The following RGL4 variants were observed in gnomAD, a reference collection of about 807,000 sequenced individuals.
The protein encoded by RGL4 is ral-GDS-related protein.
A neutral mutation model predicts 49.6 loss-of-function variants in RGL4; 41 were observed. The ratio of observed to expected loss-of-function variants is 0.83; its 90% CI spans 0.64 to 1.07. The LOEUF (loss-of-function observed/expected upper bound fraction) is 1.07, where lower values mean the gene tolerates loss of function less well. Among genes scored for constraint, RGL4 ranks in the 50% least tolerant of loss-of-function variants. The probability of loss-of-function intolerance (pLI) is 0.00; values close to 1 mark genes in which losing one functional copy is unlikely to be tolerated. For missense variants in RGL4, 610 were observed against 591.9 expected (o/e 1.03, Z -0.32); for synonymous variants, 255 against 238.0 (o/e 1.07, Z -0.66).
chr22:23,693,157 G>A, intron 3 of RGL4, 166 bp downstream of exon 3: 2 of 1,241,064 alleles, frequency 1.6e-6, no homozygotes, highest in Non-Finnish European at 2.2e-6. Context: ...TCTGCATGTG[G>A]ACGGCAGAGA....
intron 10 of RGL4, chr22:23,698,636 G>A: frequency 1.3e-6 from 1 of 744,186 alleles, no homozygotes; most frequent in East Asian, 2.7e-5. Context: ...CCAAAGTACT[G>A]ACGTTACAGG....
Position 23,693,826 on chromosome 22 carries a change from G to A in RGL4, c.764G>A (p.Gly255Glu), listed in dbSNP as rs201706084. ...GCIWGQGHLKGNEHMAPTVRA... is the reference protein window; with the variant it reads ...GCIWGQGHLKENEHMAPTVRA... ...ATCTGGGGCCAAGGACATCTGAAGG[G>A]GAATGAGCACATGGCACCCACAGTT... The change falls in exon 4 of 11, where the codon GGG becomes GAG. Residue 255 changes from glycine (G) to glutamate (E), a missense_variant. Transcript: ENST00000290691. 20 of 1,614,080 alleles carry A rather than the reference G, an allele frequency of 1.2e-5. No homozygotes were observed. In the East Asian group the frequency reaches 3.8e-4, roughly 31 times the overall value.
intron 6 of RGL4, chr22:23,696,266 G>A (rs958161620): frequency 5.8e-6 from 7 of 1,210,202 alleles, no homozygotes; most frequent in Non-Finnish European, 7.4e-6. Context: ...GCCTCACAGG[G>A]TAGAAATGAA....
chr22:23,695,229 C>A (rs939750141), intron 6 of RGL4: 41 of 514,592 alleles, frequency 8.0e-5, no homozygotes, highest in African/African-American at 7.6e-4. Context: ...GGCATGGGGG[C>A]AGGAGGCCCT....
chr22:23,698,771 A>G, intron 10 of RGL4, 73 bp from the exon 11 acceptor site: 1 of 1,513,684 alleles, frequency 6.6e-7, no homozygotes, highest in Non-Finnish European at 8.9e-7. Context: ...CCAGGATTCC[A>G]GCTGGGCAGG....
rs1215792636 is a variant in RGL4, at chr22:23,693,883, C to T, written c.821C>T (p.Thr274Ile). 6.2e-7 allele frequency: 1 copy of T among 1,614,026 alleles called. No individual in the cohort carries two copies. The highest frequency in any genetic ancestry group is 1.7e-5 in the Admixed American group (1 of 60,028). ...RATIAHFNRL[T>I]NCITTSCLGD... is the part of the protein sequence containing the mutation. Reference sequence around the variant, plus strand: ...ACCATCGCACACTTCAACAGGCTCACCAACTGCATCACCACCTCCTGCCTC... The same window carrying T: ...ACCATCGCACACTTCAACAGGCTCATCAACTGCATCACCACCTCCTGCCTC... Residue 274 changes from threonine to isoleucine, a missense_variant, in exon 4 of 11, where the codon ACC becomes ATC. By Grantham distance (89) the Thr-to-Ile change is moderately conservative. Transcript: ENST00000290691.
intron 4 of RGL4, 65 bp downstream of exon 4, chr22:23,694,039 C>A: frequency 1.4e-6 from 2 of 1,430,270 alleles, no homozygotes; most frequent in Non-Finnish European, 2.0e-6. Context: ...TCTCCTCCAT[C>A]GGCTTTCAGG....
intron 7 of RGL4, 73 bp downstream of exon 7, chr22:23,696,761 C>A: frequency 7.4e-7 from 1 of 1,354,182 alleles, no homozygotes; most frequent in Admixed American, 2.0e-5. Context: ...CAGCTGGAGG[C>A]CTCCATATCA....
chr22:23,692,132 G>A lies in RGL4; in HGVS notation c.102G>A (p.Thr34=), dbSNP rs772570419. ...QGLWEENVCG[T]PGRTRVCTAL... ...TTTGGGAAGAGAATGTCTGTGGGAC[G>A]CCAGGGCGCACGAGGGTCTGTACAG... is the stretch of plus-strand genomic sequence containing the variant. Residue 34 remains threonine (T), a synonymous_variant, in exon 1 of 11, where the codon ACG becomes ACA. Coordinates refer to ENST00000290691, the MANE Select transcript of RGL4 (RefSeq NM_153615.2). 41 of 1,614,036 alleles carry A rather than the reference G, an allele frequency of 2.5e-5. No homozygotes were observed. The highest frequency in any genetic ancestry group is 3.3e-4 in the Middle Eastern group (2 of 6,084).
In RGL4 at chr22:23,692,492, T is replaced by G. The variant is rs758019232; in HGVS notation, c.337T>G (p.Leu113Val). Residue 113 changes from leucine (L) to valine (V), a missense_variant, in exon 2 of 11, where the codon TTG (leucine) becomes GTG (valine). Coordinates refer to ENST00000290691, the MANE Select transcript of RGL4 (RefSeq NM_153615.2). ...CCATCAGGAAATTGTCCTAGGCCAGTTGGTGCTTCCGGAGCCCAACGAGGC... is the reference window on the plus strand; with the variant it reads ...CCATCAGGAAATTGTCCTAGGCCAGGTGGTGCTTCCGGAGCCCAACGAGGC... ...EDHQEIVLGQLVLPEPNEAKP... is the reference protein window; with the variant it reads ...EDHQEIVLGQVVLPEPNEAKP... 3 of 1,614,070 alleles carry G rather than the reference T, an allele frequency of 1.9e-6. No individual in the cohort carries two copies. In the South Asian group the frequency reaches 3.3e-5, roughly 18 times the overall value.
chr22:23,698,432 C>G (rs1923666779), intron 10 of RGL4, 99 bp downstream of exon 10: 1 of 1,392,180 alleles, frequency 7.2e-7, no homozygotes. Context: ...TGCAGTGTCA[C>G]CATCTCTGTT....
rs371461321 is a variant in RGL4 at position 23,693,759 on chromosome 22, G to A, written c.697G>A (p.Glu233Lys). 1.7e-5 allele frequency: 28 copies of A among 1,613,338 alleles called. No individual in the cohort carries two copies. The highest frequency in any genetic ancestry group is 2.3e-5 in the Non-Finnish European group (27 of 1,179,516). ...GTGACACTCTCCTCCTCCCCCAAAG[G>A]AGCTGTTCAAGAAGGTGGTGCTCCA... ...LAEQLTLMDA[E>K]LFKKVVLHEC... Residue 233 changes from glutamate to lysine, a missense_variant and splice_region_variant, in exon 4 of 11, where the codon GAG becomes AAG. Glu to Lys is a moderately conservative substitution (Grantham distance 56, BLOSUM62 1). Coordinates refer to ENST00000290691, the MANE Select transcript of RGL4 (RefSeq NM_153615.2).
At chr22:23,692,564 G>A (rs751197789) in intron 2 of RGL4, 36 bp downstream of exon 2, 1 of 1,594,266 alleles carries the variant, frequency 6.3e-7, no homozygotes, top group African/African-American at 1.3e-5. Flanking sequence ...CTTTCCGGGG[G>A]TGGTGTTTTG....
chr22:23,698,964 C>T lies in RGL4; in HGVS notation c.*81C>T, dbSNP rs776714499. 20 of 1,577,608 alleles carry T rather than the reference C, an allele frequency of 1.3e-5. No homozygotes were observed. The African/African-American group carries it at 1.6e-4, about 13-fold the overall frequency. ...GCTCTGCACCATCCCTCACCCAGAC[C>T]GTAGACACCAGGGAACCACATCTAG... On this transcript the variant is annotated 3_prime_UTR_variant, in exon 11 of 11. Transcript: ENST00000290691.
chr22:23,692,439 T>A lies in RGL4; in HGVS notation c.284T>A (p.Leu95His). The A allele has an allele frequency of 6.2e-7, 1 of 1,614,132 alleles. No homozygotes were observed. The highest frequency in any genetic ancestry group is 1.3e-5 in the African/African-American group (1 of 75,028). The change falls in exon 2 of 11, where the codon CTC (leucine) becomes CAC (histidine). Residue 95 changes from leucine (L) to histidine (H), a missense_variant. Transcript: ENST00000290691. ...SFRIKLAFRN[L>H]SWPGLGLEDH... ...CGGATAAAGCTGGCCTTCAGGAACC[T>A]CTCCTGGCCTGGACTGGGCTTGGAG... is the stretch of plus-strand genomic sequence containing the variant.
In RGL4 at chr22:23,697,251, T is replaced by G. The variant is rs570270713; in HGVS notation, c.1236+6T>G. On this transcript the variant is annotated splice_donor_region_variant and intron_variant, in intron 8 of 10. Coordinates refer to ENST00000290691, the MANE Select transcript of RGL4 (RefSeq NM_153615.2). ...CCATCCCGGACGACCTGGATGTGAG[T>G]GAGCCTGGGGCAGGGTGCTTGGGAA... 2.5e-6 allele frequency: 4 copies of G among 1,611,210 alleles called. No individual in the cohort carries two copies. The East Asian group carries it at 8.9e-5, about 36-fold the overall frequency.
At chr22:23,696,506 G>C (rs1366568621) in intron 6 of RGL4, 108 bp from the exon 7 acceptor site, 1 of 1,578,880 alleles carries the variant, frequency 6.3e-7, no homozygotes, top group African/African-American at 1.4e-5. Flanking sequence ...TATGAGCACG[G>C]TGCCAGGTGG....
At chr22:23,696,796 C>A in intron 7 of RGL4, 108 bp downstream of exon 7, 1 of 955,122 alleles carries the variant, frequency 1.0e-6, no homozygotes, top group Non-Finnish European at 1.6e-6. Flanking sequence ...TCCTCCCCAG[C>A]CCTGTCCTCC....
intron 4 of RGL4, 28 bp from the exon 5 acceptor site, chr22:23,694,319 A>C (rs892298237): frequency 6.5e-7 from 1 of 1,549,092 alleles, no homozygotes; most frequent in Non-Finnish European, 8.9e-7. Context: ...CCAACTCTGA[A>C]CCGCACAGCT....
Sources: gnomAD v4.1 joint callset for allele counts on GRCh38, gnomAD v4.1.1 for gene constraint, MANE v1.5 for transcripts, NCBI Gene and HGNC (gene_info 2026-07-23, HGNC 2026-07-21) for gene names.